NMU: variants seen among roughly 807,000 people sequenced by gnomAD.
The protein encoded by NMU is neuromedin U, also known as neuromedin-U.
Under a neutral mutation model 35.4 loss-of-function variants are expected in NMU, and 29 were observed. The ratio of observed to expected loss-of-function variants is 0.82; its 90% CI spans 0.61 to 1.12. The LOEUF is 1.12. NMU is among the 50% of genes most tolerant of loss of function. NMU has a pLI of 0.00. For synonymous variants in NMU, 78 were observed against 81.3 expected (o/e 0.96, Z 0.22); for missense variants, 199 against 206.2 (o/e 0.97, Z 0.21).
At chr4:55,602,050 A>G (rs1016687415) in intron 7 of NMU, among the ~76,000 whole-genome samples, 1 of 152,178 alleles carries the variant, frequency 6.6e-6, no homozygotes, top group Non-Finnish European at 1.5e-5. Context: ...TATATTAAAG[A>G]GAAAAAACTA....
chr4:55,613,953 A>G (rs1734026358), intron 3 of NMU, among the ~76,000 whole-genome samples: 1 of 152,240 alleles, frequency 6.6e-6, no homozygotes, highest in South Asian at 2.1e-4. Flanking sequence ...CATTAGGAAT[A>G]CAAAAAACAA....
chr4:55,625,353 G>A (rs1294930698), intron 2 of NMU, among the ~76,000 whole-genome samples: 2 of 151,748 alleles, frequency 1.3e-5, no homozygotes, highest in African/African-American at 4.8e-5. Context: ...GAAATATAGA[G>A]TATTTCAAGC....
rs1179551504 is a variant in NMU, at chr4:55,630,402, C to T, written c.171G>A (p.Glu57=). The T allele has an allele frequency of 6.2e-7, 1 of 1,608,270 alleles. No individual in the cohort carries two copies. Among genetic ancestry groups the T allele is most frequent in the African/African-American group, 1.3e-5 (1 of 74,898 alleles). ...AATTTGTGTGATGATAGTTCCTTAC[C>T]TCATTCCACAACTGTAGCTGTTGTT... ...QPEQQLQLWN[E]IDDTCSSFLS... Residue 57 remains glutamate, a splice_region_variant and synonymous_variant, in exon 2 of 10, where the codon GAG becomes GAA. Coordinates refer to ENST00000264218, the MANE Select transcript of NMU (RefSeq NM_006681.4).
chr4:55,598,018 T>C (rs1733263272), intron 9 of NMU, among the ~76,000 whole-genome samples: 1 of 151,750 alleles, frequency 6.6e-6, no homozygotes, highest in Non-Finnish European at 1.5e-5. Context: ...CATCAATTTC[T>C]TCTTTCATTT....
At chr4:55,613,329 T>C (rs1026310817) in intron 3 of NMU, among the ~76,000 whole-genome samples, 3 of 152,156 alleles carry the variant, frequency 2.0e-5, no homozygotes, top group Non-Finnish European at 2.9e-5. Context: ...TTAGGTTCTG[T>C]AGGCTCTATC....
intron 1 of NMU, among the ~76,000 whole-genome samples, chr4:55,635,173 G>A (rs1715847632): frequency 6.6e-6 from 1 of 152,144 alleles, no homozygotes; most frequent in African/African-American, 2.4e-5. Flanking sequence ...GTTGGCAATG[G>A]AGGGAACCCT....
At chr4:55,604,678 A>ATTTT (rs1553909882) in intron 7 of NMU, among the ~76,000 whole-genome samples, 4 of 19,924 alleles carry the variant, frequency 2.0e-4, no homozygotes, top group African/African-American at 4.5e-4. Flanking sequence ...ATGCCTGGCT[A>ATTTT]ATTTTTTTTT....
At chr4:55,636,440 C>T (rs1379238626), upstream of NMU, 77 of 491,456 alleles carry the variant, frequency 1.6e-4, 1 homozygote, top group Non-Finnish European at 6.8e-6. This position sits in a 1 kb window ranked among gnomAD's most constrained non-coding sequence, Gnocchi z 4.0. Context: ...GCGCCCCACC[C>T]TGCAGCAGGA....
chr4:55,600,409 C>T (rs1201058094), intron 8 of NMU, 113 bp downstream of exon 8: 2 of 733,458 alleles, frequency 2.7e-6, no homozygotes, highest in African/African-American at 1.8e-5. Flanking sequence ...ACACCTGATG[C>T]CAAACATCTA....
chr4:55,618,734 C>T, intron 2 of NMU, among the ~76,000 whole-genome samples: 1 of 137,622 alleles, frequency 7.3e-6, no homozygotes, highest in East Asian at 2.3e-4. Flanking sequence ...TTTCTTCTTT[C>T]TTTCTTTTTC....
At position 55,635,247 on chromosome 4, in the gene NMU, A is replaced by G. The variant is rs1014785197; in HGVS notation, c.112+834T>C. Among the ~76,000 whole-genome samples the G allele has an allele frequency of 3.9e-5, 6 of 152,088 alleles. No individual in the cohort carries two copies. The South Asian group carries it at 1.2e-3, about 32-fold the overall frequency. ...AAACGTAAGCTGTAACCCTTAGAGA[A>G]CCCAGAAAATGATATCTCCCCTGGA... On this transcript the variant is annotated intron_variant, in intron 1 of 9. Transcript: ENST00000264218.
chr4:55,628,451 C>T (rs1418189629), intron 2 of NMU, among the ~76,000 whole-genome samples: 2 of 150,978 alleles, frequency 1.3e-5, no homozygotes. Flanking sequence ...AAAACTGTTG[C>T]TCCGCTCTCC....
chr4:55,603,648 C>T (rs1577935699), intron 7 of NMU, among the ~76,000 whole-genome samples: 1 of 151,752 alleles, frequency 6.6e-6, no homozygotes, highest in Non-Finnish European at 1.5e-5. Context: ...CGCAGTGGCT[C>T]ACGCCTGTAA....
chr4:55,615,863 A>G (rs945877924), intron 3 of NMU, among the ~76,000 whole-genome samples: 4 of 152,036 alleles, frequency 2.6e-5, no homozygotes, highest in Non-Finnish European at 5.9e-5. Flanking sequence ...ACTCCCACTT[A>G]TAAGTGAGAA....
intron 2 of NMU, 61 bp downstream of exon 2, chr4:55,630,341 A>T: frequency 8.3e-7 from 1 of 1,210,668 alleles, no homozygotes; most frequent in Non-Finnish European, 1.2e-6. Flanking sequence ...TATACATTTT[A>T]ACATGATAAT....
intron 4 of NMU, 79 bp downstream of exon 4, chr4:55,609,041 G>A (rs111291646): frequency 4.3e-6 from 5 of 1,155,826 alleles, no homozygotes; most frequent in South Asian, 1.2e-5. Context: ...CCTAAATTGG[G>A]CATATTTTCT....
intron 2 of NMU, among the ~76,000 whole-genome samples, chr4:55,627,856 T>C (rs917302607): frequency 6.6e-6 from 1 of 152,240 alleles, no homozygotes; most frequent in Non-Finnish European, 1.5e-5. Flanking sequence ...ATAAAGTATT[T>C]AAGTTCACAT....
At chr4:55,604,903 G>A (rs942393455) in intron 7 of NMU, among the ~76,000 whole-genome samples, 2 of 151,880 alleles carry the variant, frequency 1.3e-5, no homozygotes, top group African/African-American at 4.8e-5. Context: ...GCTGGATACA[G>A]AGGGGCAGTA....
intron 2 of NMU, among the ~76,000 whole-genome samples, chr4:55,627,773 T>C (rs6827359): frequency 0.5 from 75,308 of 151,970 alleles, 19,019 homozygotes; most frequent in East Asian, 0.68. Flanking sequence ...GAGCAAGAAG[T>C]TTGTTAATGC....
Sources: allele counts gnomAD v4.1 joint callset (sites outside exome capture counted in the v4.1 genomes callset), GRCh38; gene constraint gnomAD v4.1.1; non-coding constraint Gnocchi (gnomAD v3.1); transcripts MANE v1.5; gene names NCBI Gene and HGNC (gene_info 2026-07-23, HGNC 2026-07-21).